ANK3: variants seen among roughly 807,000 people sequenced by gnomAD.
ANK3 encodes ankyrin-3.
ANK3 carries 57 observed loss-of-function variants against 370.9 expected under a neutral mutation model. The observed-to-expected ratio is 0.15, with a 90% CI of 0.12 to 0.19. The LOEUF is 0.19. Among genes scored for constraint, ANK3 ranks in the 10% least tolerant of loss-of-function variants. The pLI, the probability that ANK3 is intolerant of heterozygous loss-of-function variation, is 1.00. For missense variants in ANK3, 4,439 were observed against 5,302.1 expected, an observed-to-expected ratio of 0.84 and a Z score of 5.06; for synonymous variants, 1,929 against 1,946.3, an observed-to-expected ratio of 0.99 and a Z score of 0.23.
chr10:60,677,051 T>G (rs924657682), intron 1 of ANK3, among the ~76,000 whole-genome samples: 2 of 152,220 alleles, frequency 1.3e-5, no homozygotes, highest in African/African-American at 4.8e-5. Context: ...TTTTTAAGAA[T>G]CTGAGGGTTA....
chr10:60,287,067 T>C (rs2040177468), intron 1 of ANK3, among the ~76,000 whole-genome samples: 1 of 152,144 alleles, frequency 6.6e-6, no homozygotes, highest in South Asian at 2.1e-4. Context: ...ATTCTTATAC[T>C]GGGGGCTCAC....
At chr10:60,134,704 T>C (rs940972434) in intron 24 of ANK3, among the ~76,000 whole-genome samples, 1 of 152,204 alleles carries the variant, frequency 6.6e-6, no homozygotes, top group African/African-American at 2.4e-5. Flanking sequence ...TTTTCTAGGA[T>C]GAGATCTTAT....
At chr10:60,234,450 C>T (rs1021408716) in intron 8 of ANK3, among the ~76,000 whole-genome samples, 1 of 152,070 alleles carries the variant, frequency 6.6e-6, no homozygotes, top group Non-Finnish European at 1.5e-5. Flanking sequence ...AAATTAAATG[C>T]AACAAGAACT....
At chr10:60,357,100 G>A (rs7089397) in intron 1 of ANK3, among the ~76,000 whole-genome samples, 4,491 of 152,146 alleles carry the variant, frequency 0.03, 227 homozygotes, top group African/African-American at 0.1. Flanking sequence ...ATGGCCCATC[G>A]TTTTTACTCC....
chr10:60,137,975 C>A (rs2094426860), intron 24 of ANK3, among the ~76,000 whole-genome samples: 1 of 151,940 alleles, frequency 6.6e-6, no homozygotes, highest in South Asian at 2.1e-4. Context: ...TTAATGACAC[C>A]TGCTACAATA....
intron 2 of ANK3, among the ~76,000 whole-genome samples, chr10:60,495,682 G>T (rs1479957380): frequency 6.6e-6 from 1 of 152,116 alleles, no homozygotes; most frequent in Non-Finnish European, 1.5e-5. Flanking sequence ...TACTTAGACA[G>T]AAATTTCTGT....
intron 1 of ANK3, among the ~76,000 whole-genome samples, chr10:60,298,371 A>G (rs1309132603): frequency 5.9e-5 from 9 of 152,124 alleles, no homozygotes; most frequent in Admixed American, 3.9e-4. Flanking sequence ...TATCTACTAT[A>G]CCCTCTTTGC....
At chr10:60,492,145 G>T (rs1446673223) in intron 2 of ANK3, among the ~76,000 whole-genome samples, 2 of 152,146 alleles carry the variant, frequency 1.3e-5, no homozygotes, top group African/African-American at 4.8e-5. Context: ...ATATAGCCTG[G>T]ATGTGCAGTA....
chr10:60,204,660 A>C (rs1011338765), intron 11 of ANK3, among the ~76,000 whole-genome samples: 2 of 152,164 alleles, frequency 1.3e-5, no homozygotes, highest in Non-Finnish European at 2.9e-5. Context: ...ACAAAACTTT[A>C]CTGAATGATC....
At chr10:60,288,603 T>A (rs2040572254) in intron 1 of ANK3, among the ~76,000 whole-genome samples, 1 of 152,036 alleles carries the variant, frequency 6.6e-6, no homozygotes, top group African/African-American at 2.4e-5. Context: ...GTTTGAGGAA[T>A]TGTGAATAGA....
Position 60,357,116 on chromosome 10 carries a change from T to C in ANK3, c.114+32309A>G, listed in dbSNP as rs2132719762. ...TGGCCCATCGTTTTTACTCCACTAT[T>C]GATCCTGGCTTTCTTTGCAGCTTCA... On this transcript the variant is annotated intron_variant, in intron 1 of 43. Coordinates refer to ENST00000280772, the MANE Select transcript of ANK3 (RefSeq NM_020987.5). Among the ~76,000 whole-genome samples, 2 of 152,324 alleles carry C rather than the reference T, an allele frequency of 1.3e-5. 1 individual carries two copies. Among genetic ancestry groups the C allele is most frequent in the South Asian group, 4.2e-4 (2 of 4,818 alleles).
chr10:60,628,960 C>G (rs764299729), intron 1 of ANK3, among the ~76,000 whole-genome samples: 6 of 152,154 alleles, frequency 3.9e-5, no homozygotes, highest in Non-Finnish European at 5.9e-5. Flanking sequence ...TAAAACTTCT[C>G]TTCAACTTAG....
At chr10:60,426,499 T>C (rs976249036) in intron 2 of ANK3, among the ~76,000 whole-genome samples, 1 of 152,108 alleles carries the variant, frequency 6.6e-6, no homozygotes, top group African/African-American at 2.4e-5. Flanking sequence ...CCCAATAATT[T>C]AGATTGAACT....
intron 2 of ANK3, among the ~76,000 whole-genome samples, chr10:60,450,471 GAA>G (rs1219204444): frequency 6.6e-6 from 1 of 152,092 alleles, no homozygotes; most frequent in Non-Finnish European, 1.5e-5. Context: ...CACACCCCTG[GAA>G]AAATTTCAAC....
chr10:60,566,081 A>G (rs541493465), intron 2 of ANK3, among the ~76,000 whole-genome samples: 15 of 152,154 alleles, frequency 9.9e-5, no homozygotes, highest in Admixed American at 7.2e-4. Flanking sequence ...CTTTATTATT[A>G]TATCTATTTG....
intron 1 of ANK3, among the ~76,000 whole-genome samples, chr10:60,325,554 C>T (rs2049640207): frequency 6.6e-6 from 1 of 152,184 alleles, no homozygotes; most frequent in East Asian, 1.9e-4. Flanking sequence ...ATTCCTGACA[C>T]CTAAAATGAG....
In ANK3 at chr10:60,714,305, C is replaced by T. The variant is rs148193436; in HGVS notation, c.57+18958G>A. On this transcript the variant is annotated intron_variant, in intron 1 of 43. Coordinates refer to the ANK3 transcript ENST00000373827. The stretch of plus-strand genomic sequence containing the variant: ...TCCCAGATGGGTTCACTGGTGACTT[C>T]GACCAAAAATTTGAGAAGAAAATAC... 8.5e-5 allele frequency among the ~76,000 whole-genome samples: 13 copies of T among 152,216 alleles called. No individual in the cohort carries two copies. In the East Asian group the frequency reaches 1.4e-3, roughly 16 times the overall value.
chr10:60,503,151 A>T (rs2075849605), intron 2 of ANK3, among the ~76,000 whole-genome samples: 1 of 152,276 alleles, frequency 6.6e-6, no homozygotes, highest in Admixed American at 6.5e-5. Flanking sequence ...AAACTTTTTA[A>T]ATTTAGTGTT....
chr10:60,384,066 C>T lies in ANK3; in HGVS notation c.114+5359G>A, dbSNP rs370052341. Among the ~76,000 whole-genome samples, 122 of 152,256 alleles carry T rather than the reference C, an allele frequency of 8.0e-4. 1 individual carries two copies. Among genetic ancestry groups the T allele is most frequent in the African/African-American group, 2.8e-3 (118 of 41,560 alleles). On this transcript the variant is annotated intron_variant, in intron 1 of 43. Coordinates refer to ENST00000280772, the MANE Select transcript of ANK3 (RefSeq NM_020987.5). ...GTCCACCAATCACTAGCTATATGAC[C>T]TCAGACAAGGTATTTTTAAGCCTTA...
Sources: allele counts gnomAD v4.1 joint callset (sites outside exome capture counted in the v4.1 genomes callset), GRCh38; gene constraint gnomAD v4.1.1; transcripts MANE v1.5; gene names NCBI Gene and HGNC (gene_info 2026-07-23, HGNC 2026-07-21).